RALYL: variants seen among roughly 807,000 people sequenced by gnomAD.
RALYL encodes RALY RNA binding protein like, also known as RNA-binding Raly-like protein.
A neutral mutation model predicts 35.1 loss-of-function variants in RALYL; 29 were observed. The observed-to-expected ratio is 0.83, with a 90% CI of 0.61 to 1.13. RALYL has a LOEUF of 1.13. RALYL is among the 50% of genes most tolerant of loss of function. The probability of loss-of-function intolerance (pLI) is 0.00; values close to 1 mark genes in which losing one functional copy is unlikely to be tolerated. For missense variants in RALYL, 359 were observed against 360.4 expected (o/e 1.00, Z 0.03); for synonymous variants, 120 against 127.6 (o/e 0.94, Z 0.40).
At chr8:84,902,399 G>C (rs943524934) in intron 8 of RALYL, among the ~76,000 whole-genome samples, 1 of 152,102 alleles carries the variant, frequency 6.6e-6, no homozygotes, top group Non-Finnish European at 1.5e-5. Flanking sequence ...CCTCCCTCAT[G>C]ATCCAATCAT....
chr8:84,600,528 G>T (rs1475002102), intron 2 of RALYL, among the ~76,000 whole-genome samples: 1 of 152,048 alleles, frequency 6.6e-6, no homozygotes. Flanking sequence ...ATAGGTAAAA[G>T]GAGGTTGGTA....
intron 3 of RALYL, among the ~76,000 whole-genome samples, chr8:84,801,613 A>AGAT (rs1270966470): frequency 6.6e-6 from 1 of 152,234 alleles, no homozygotes; most frequent in Admixed American, 6.5e-5. Context: ...AATGATAAAT[A>AGAT]GATCATGCAT....
chr8:84,281,643 C>T (rs1836588205), intron 1 of RALYL, among the ~76,000 whole-genome samples: 1 of 152,032 alleles, frequency 6.6e-6, no homozygotes, highest in Admixed American at 6.6e-5. Flanking sequence ...ATATCCATCC[C>T]CAAACTTTTC....
intron 1 of RALYL, among the ~76,000 whole-genome samples, chr8:84,286,350 A>G (rs1465603371): frequency 6.6e-6 from 1 of 152,202 alleles, no homozygotes; most frequent in Non-Finnish European, 1.5e-5. Context: ...TGTAACCAAG[A>G]TTGATCTTTT....
intron 2 of RALYL, among the ~76,000 whole-genome samples, chr8:84,562,290 C>A (rs1011495235): frequency 5.3e-5 from 8 of 151,842 alleles, no homozygotes; most frequent in African/African-American, 1.9e-4. Flanking sequence ...TGAACTGTAG[C>A]CGGCCAGCAA....
rs567424865 is a variant in RALYL at position 84,672,617 on chromosome 8, G to C, written c.257-101962G>C. Among the ~76,000 whole-genome samples, 8 of 152,270 alleles carry C rather than the reference G, an allele frequency of 5.3e-5. No individual in the cohort carries two copies. The South Asian group carries it at 1.7e-3, about 32-fold the overall frequency. ...AATGGACTCACAGTTCCACATGACT[G>C]GGGAGGTCTTATAATCATGGCAGAA... is the stretch of plus-strand genomic sequence containing the variant. On this transcript the variant is annotated intron_variant, in intron 2 of 8. Coordinates refer to ENST00000521268, the MANE Select transcript of RALYL (RefSeq NM_173848.7).
intron 1 of RALYL, among the ~76,000 whole-genome samples, chr8:84,296,500 T>C (rs1586035947): frequency 6.6e-6 from 1 of 151,980 alleles, no homozygotes; most frequent in African/African-American, 2.4e-5. Flanking sequence ...TGCCCCAGGC[T>C]CCTTATGTTA....
chr8:84,304,167 G>A (rs113218431), intron 1 of RALYL, among the ~76,000 whole-genome samples: 1,911 of 151,976 alleles, frequency 0.013, 55 homozygotes, highest in African/African-American at 0.043. Flanking sequence ...GCCCAGGCTG[G>A]AGTGCAGTGG....
chr8:84,656,806 T>C (rs1216053091), intron 2 of RALYL, among the ~76,000 whole-genome samples: 1 of 152,126 alleles, frequency 6.6e-6, no homozygotes, highest in East Asian at 1.9e-4. Context: ...TGCATTGGGT[T>C]TAAGAAGCCA....
At chr8:84,861,064 TG>T (rs1251800581) in intron 5 of RALYL, among the ~76,000 whole-genome samples, 1 of 152,278 alleles carries the variant, frequency 6.6e-6, no homozygotes, top group African/African-American at 2.4e-5. Context: ...TTATAGAACT[TG>T]TTTTTTTTAT....
chr8:84,774,815 C>T lies in RALYL; in HGVS notation c.332+161C>T, dbSNP rs570048483. Reference sequence around the variant, plus strand: ...GTCAACATATAAATATATCTTGCTGCATTGGCAAGGATCTCAATGCCTAAC... The same window carrying T: ...GTCAACATATAAATATATCTTGCTGTATTGGCAAGGATCTCAATGCCTAAC... On this transcript the variant is annotated intron_variant, in intron 3 of 8. Coordinates refer to ENST00000521268, the MANE Select transcript of RALYL (RefSeq NM_173848.7). Among the ~76,000 whole-genome samples the T allele has an allele frequency of 1.1e-3, 162 of 152,256 alleles. 1 individual carries two copies. Among genetic ancestry groups the T allele is most frequent in the African/African-American group, 3.7e-3 (155 of 41,560 alleles).
chr8:84,206,064 TTTACTTTTA>T (rs1817986674), intron 1 of RALYL, among the ~76,000 whole-genome samples: 1 of 152,192 alleles, frequency 6.6e-6, no homozygotes. Context: ...AAGACCTCAT[TTTACTTTTA>T]TTACCTCTTT....
intron 2 of RALYL, among the ~76,000 whole-genome samples, chr8:84,606,547 G>T (rs1408131996): frequency 5.3e-5 from 8 of 152,130 alleles, no homozygotes; most frequent in Admixed American, 4.6e-4. Flanking sequence ...TAATAATTTA[G>T]TTGAATATAT....
At chr8:84,884,404 C>A (rs1842638779) in intron 7 of RALYL, among the ~76,000 whole-genome samples, 1 of 151,988 alleles carries the variant, frequency 6.6e-6, no homozygotes. Context: ...GAGGACTATG[C>A]ATGTTTAAAG....
intron 1 of RALYL, among the ~76,000 whole-genome samples, chr8:84,428,715 A>G (rs886129956): frequency 1.3e-5 from 2 of 152,334 alleles, no homozygotes; most frequent in Middle Eastern, 3.4e-3. Context: ...CATACAGTGT[A>G]ATTTGCAGAT....
intron 1 of RALYL, among the ~76,000 whole-genome samples, chr8:84,227,443 T>G (rs974014486): frequency 1.2e-4 from 19 of 152,288 alleles, no homozygotes; most frequent in Admixed American, 1.2e-3. Flanking sequence ...AAGATCTTTG[T>G]GTATAGTTCT....
At chr8:84,672,497 C>A (rs1428600565) in intron 2 of RALYL, among the ~76,000 whole-genome samples, 1 of 152,084 alleles carries the variant, frequency 6.6e-6, no homozygotes, top group Non-Finnish European at 1.5e-5. Context: ...ACAGCAGCAC[C>A]CCATTACTTC....
In RALYL at chr8:84,720,335, C is replaced by T. The variant is rs190196052; in HGVS notation, c.257-54244C>T. Among the ~76,000 whole-genome samples the T allele has an allele frequency of 6.0e-3, 908 of 152,110 alleles. 2 individuals are homozygous for T. Among genetic ancestry groups the T allele is most frequent in the Non-Finnish European group, 8.3e-3 (562 of 67,982 alleles). ...ACATAGACAAATAGAAAAGATAACC[C>T]AGAAATAAACCTGTATACTTACAGC... On this transcript the variant is annotated intron_variant, in intron 2 of 8. Transcript: ENST00000521268.
intron 1 of RALYL, among the ~76,000 whole-genome samples, chr8:84,292,318 C>A (rs1360140253): frequency 6.6e-6 from 1 of 152,144 alleles, no homozygotes; most frequent in Non-Finnish European, 1.5e-5. Context: ...CTATTCTATT[C>A]TCCTCATATT....
Sources: gnomAD v4.1 joint callset for allele counts (sites outside exome capture counted in the v4.1 genomes callset) on GRCh38, gnomAD v4.1.1 for gene constraint, MANE v1.5 for transcripts, NCBI Gene and HGNC (gene_info 2026-07-23, HGNC 2026-07-21) for gene names.